SORBS2: variants seen among roughly 807,000 people sequenced by gnomAD.
SORBS2 encodes sorbin and SH3 domain containing 2, also known as sorbin and SH3 domain-containing protein 2.
Under a neutral mutation model 97.7 loss-of-function variants are expected in SORBS2, and 46 were observed. The ratio of observed to expected loss-of-function variants is 0.47; its 90% confidence interval spans 0.37 to 0.60. SORBS2 has a LOEUF of 0.60. SORBS2 is among the 20% of genes least tolerant of loss of function. SORBS2 has a pLI of 0.00. For synonymous variants in SORBS2, 476 were observed against 473.4 expected (o/e 1.01, Z -0.07); for missense variants, 1,316 against 1,282.3 (o/e 1.03, Z -0.40).
chr4:185,933,130 A>G (rs2099267262), intron 1 of SORBS2: 1 of 152,186 alleles, frequency 6.6e-6, no homozygotes, highest in Non-Finnish European at 1.5e-5. Flanking sequence ...ACTCCTAATG[A>G]CCAGTTGTCT....
chr4:185,607,469 T>C lies in SORBS2; in HGVS notation c.2796+4311A>G. On this transcript the variant is annotated intron_variant, in intron 12 of 14. Transcript: ENST00000418609. This position sits in a 1 kb window ranked among gnomAD's most constrained non-coding sequence, Gnocchi z 5.2. The stretch of plus-strand genomic sequence containing the variant: ...GATGCGGTGGTGAATATGAAAATAA[T>C]TTTATGTTTAACATAGATTTGAAGA... 2 of 439,388 alleles carry C rather than the reference T, an allele frequency of 4.6e-6. No individual in the cohort carries two copies. The highest frequency in any genetic ancestry group is 2.1e-5 in the South Asian group (1 of 48,528). 27.2% of individuals were successfully genotyped at this position (439,388 alleles called of 1,614,324 possible).
chr4:185,730,310 CTTTTT>C (rs67749971), intron 2 of SORBS2, among the ~76,000 whole-genome samples: 4 of 125,280 alleles, frequency 3.2e-5, no homozygotes, highest in Admixed American at 8.0e-5. Flanking sequence ...AATATACTTT[CTTTTT>C]TTTTTTTTTT....
At chr4:185,691,845 C>T (rs190261846) in intron 2 of SORBS2, among the ~76,000 whole-genome samples, 6 of 151,970 alleles carry the variant, frequency 3.9e-5, no homozygotes, top group African/African-American at 9.7e-5. Flanking sequence ...CCCGGGCTCA[C>T]GCCATTCTTC....
chr4:185,649,424 A>T, intron 3 of SORBS2, 43 bp downstream of exon 12: 1 of 1,473,452 alleles, frequency 6.8e-7, no homozygotes, highest in Non-Finnish European at 9.1e-7. Flanking sequence ...ACTTATTTTT[A>T]TCCTAAGCGA....
chr4:185,702,692 C>T (rs114780536), intron 2 of SORBS2, among the ~76,000 whole-genome samples: 249 of 151,114 alleles, frequency 1.6e-3, no homozygotes, highest in African/African-American at 5.8e-3. Context: ...AAGTGGGAGT[C>T]GGTGTTAAGC....
intron 1 of SORBS2, among the ~76,000 whole-genome samples, chr4:185,935,382 ACAC>A (rs2099268447): frequency 1.3e-5 from 2 of 152,236 alleles, no homozygotes; most frequent in African/African-American, 4.8e-5. Context: ...ATGGGAGATA[ACAC>A]GTTTAAGAGA....
At chr4:185,701,673 C>T (rs989417897) in intron 2 of SORBS2, among the ~76,000 whole-genome samples, 1 of 152,132 alleles carries the variant, frequency 6.6e-6, no homozygotes, top group African/African-American at 2.4e-5. Flanking sequence ...GGGATGTTGG[C>T]TGTCTGCCAT....
chr4:185,621,477 T>A (rs1044233329), intron 7 of SORBS2, among the ~76,000 whole-genome samples: 3 of 152,196 alleles, frequency 2.0e-5, no homozygotes, highest in African/African-American at 7.2e-5. Context: ...TATATTAGGA[T>A]ATTAAAAGCC....
chr4:185,647,911 G>T (rs946308873), intron 3 of SORBS2, among the ~76,000 whole-genome samples: 4 of 152,120 alleles, frequency 2.6e-5, no homozygotes, highest in Non-Finnish European at 4.4e-5. Flanking sequence ...TATCAGATGG[G>T]TAATACCTTT....
intron 1 of SORBS2, among the ~76,000 whole-genome samples, chr4:185,796,878 C>T (rs72496331): frequency 0.14 from 10,906 of 80,582 alleles, 1,310 homozygotes; most frequent in South Asian, 0.27. Flanking sequence ...ACGCTGTTCC[C>T]TGGTCACGGT....
intron 4 of SORBS2, among the ~76,000 whole-genome samples, chr4:185,667,367 A>G (rs2097627382): frequency 1.3e-5 from 2 of 152,194 alleles, no homozygotes; most frequent in Admixed American, 1.3e-4. Context: ...CGTTGTTAGC[A>G]TAATAAAAAG....
At chr4:185,592,085 T>G (rs2095956140) in intron 13 of SORBS2, 1 of 152,188 alleles carries the variant, frequency 6.6e-6, no homozygotes, top group African/African-American at 2.4e-5. Flanking sequence ...AGGTGAGTGA[T>G]GGTGGTGGGG....
intron 1 of SORBS2, among the ~76,000 whole-genome samples, chr4:185,875,829 T>C (rs2099233278): frequency 6.6e-6 from 1 of 152,232 alleles, no homozygotes; most frequent in Admixed American, 6.5e-5. Flanking sequence ...GTCTGTATTG[T>C]CTTTTGACTT....
rs116500130 is a variant in SORBS2, at chr4:185,633,406, C to A, written c.397-2808G>T. 2.7e-3 allele frequency among the ~76,000 whole-genome samples: 412 copies of A among 151,606 alleles called. 1 individual carries two copies. Among genetic ancestry groups the A allele is most frequent in the Middle Eastern group, 3.5e-3 (1 of 288 alleles). On this transcript the variant is annotated intron_variant, in intron 4 of 14. Transcript: ENST00000418609. ...ATATGCTATTAGAATCATACAGCACCCCCTCTCAATCCCAGAGATAACTGG... is the reference window on the plus strand; with the variant it reads ...ATATGCTATTAGAATCATACAGCACACCCTCTCAATCCCAGAGATAACTGG...
chr4:185,948,971 G>C (rs1020149959), intron 1 of SORBS2, among the ~76,000 whole-genome samples: 4 of 151,904 alleles, frequency 2.6e-5, no homozygotes, highest in African/African-American at 9.7e-5. Flanking sequence ...CACATAGAAA[G>C]GATTATCAAA....
chr4:185,829,665 A>C (rs2153673307), intron 1 of SORBS2, among the ~76,000 whole-genome samples: 1 of 152,330 alleles, frequency 6.6e-6, no homozygotes, highest in Non-Finnish European at 1.5e-5. Flanking sequence ...GTTTTCTTTT[A>C]AGTTTTGCTC....
chr4:185,818,130 C>T (rs2099194429), intron 1 of SORBS2, among the ~76,000 whole-genome samples: 1 of 152,192 alleles, frequency 6.6e-6, no homozygotes, highest in Admixed American at 6.5e-5. Flanking sequence ...GGAGCTATAA[C>T]CCAGAATGGT....
At chr4:185,661,938 G>A (rs554754714), upstream of SORBS2, among the ~76,000 whole-genome samples, 3 of 152,238 alleles carry the variant, frequency 2.0e-5, no homozygotes, top group East Asian at 3.9e-4. Flanking sequence ...GAATAGCATG[G>A]TGCCCATTTC....
At chr4:185,835,536 T>C (rs1468295697) in intron 1 of SORBS2, among the ~76,000 whole-genome samples, 1 of 152,198 alleles carries the variant, frequency 6.6e-6, no homozygotes, top group Non-Finnish European at 1.5e-5. Context: ...AACATTAGAA[T>C]GTGCTTACGT....
Sources: allele counts gnomAD v4.1 joint callset (sites outside exome capture counted in the v4.1 genomes callset), GRCh38; gene constraint gnomAD v4.1.1; non-coding constraint Gnocchi (gnomAD v3.1); transcripts MANE v1.5; gene names NCBI Gene and HGNC (gene_info 2026-07-23, HGNC 2026-07-21).